The following KIAA1328 variants were observed in gnomAD, a reference collection of about 807,000 sequenced individuals.
KIAA1328 encodes the protein KIAA1328.
In KIAA1328, 52 loss-of-function variants were observed where a neutral mutation model predicts 68.1. The ratio of observed to expected loss-of-function variants is 0.76; its 90% confidence interval spans 0.61 to 0.96. The LOEUF is 0.96. Among genes scored for constraint, KIAA1328 ranks in the 40% least tolerant of loss-of-function variants. KIAA1328 has a pLI of 0.00. For synonymous variants in KIAA1328, 232 were observed against 239.4 expected (o/e 0.97, Z 0.28); for missense variants, 641 against 677.6 (o/e 0.95, Z 0.60).
chr18:36,842,248 A>G (rs1477633351), intron 3 of KIAA1328, among the ~76,000 whole-genome samples: 4 of 152,160 alleles, frequency 2.6e-5, no homozygotes, highest in African/African-American at 9.7e-5. Context: ...ATGGGACACC[A>G]ACCCGGCTGG....
intron 6 of KIAA1328, among the ~76,000 whole-genome samples, chr18:37,057,453 A>G (rs972409816): frequency 4.7e-5 from 7 of 148,200 alleles, no homozygotes; most frequent in Non-Finnish European, 8.9e-5. Context: ...TTTGAGACAC[A>G]GTCTCACTCT....
At chr18:37,099,790 T>G (rs889637520) in intron 7 of KIAA1328, among the ~76,000 whole-genome samples, 1 of 152,270 alleles carries the variant, frequency 6.6e-6, no homozygotes, top group Non-Finnish European at 1.5e-5. Flanking sequence ...TTAGGATGGT[T>G]GGCTCTTCTT....
At chr18:36,980,406 G>A (rs1469605934) in intron 6 of KIAA1328, among the ~76,000 whole-genome samples, 3 of 152,080 alleles carry the variant, frequency 2.0e-5, no homozygotes, top group African/African-American at 7.2e-5. Context: ...CTCTTGATAA[G>A]GAAGGAGAAT....
intron 6 of KIAA1328, among the ~76,000 whole-genome samples, chr18:37,005,965 G>A (rs1568281690): frequency 6.6e-6 from 1 of 151,998 alleles, no homozygotes; most frequent in Non-Finnish European, 1.5e-5. Flanking sequence ...AGGGGAGGAG[G>A]GAGGATGAGG....
chr18:37,068,213 G>A (rs1273152083), intron 7 of KIAA1328, among the ~76,000 whole-genome samples: 1 of 152,130 alleles, frequency 6.6e-6, no homozygotes, highest in Non-Finnish European at 1.5e-5. Flanking sequence ...TCGGGGTGTG[G>A]AATTAGATTG....
intron 7 of KIAA1328, among the ~76,000 whole-genome samples, chr18:37,114,094 G>C (rs1330366839): frequency 1.3e-5 from 2 of 152,188 alleles, no homozygotes; most frequent in South Asian, 4.1e-4. Context: ...ACATTAGACA[G>C]ATCAACGAGA....
intron 7 of KIAA1328, among the ~76,000 whole-genome samples, chr18:37,112,669 A>G (rs1009535128): frequency 8.1e-4 from 124 of 152,238 alleles, no homozygotes; most frequent in Non-Finnish European, 1.0e-4. Context: ...TGACGAGTTG[A>G]GAGAAGAAGG....
At chr18:37,081,271 C>A (rs946440213) in intron 7 of KIAA1328, among the ~76,000 whole-genome samples, 1 of 152,146 alleles carries the variant, frequency 6.6e-6, no homozygotes, top group Admixed American at 6.5e-5. Flanking sequence ...CATGAGCCAC[C>A]GTGCCCCGCC....
chr18:37,032,052 C>T (rs1190119494), intron 6 of KIAA1328, among the ~76,000 whole-genome samples: 1 of 152,126 alleles, frequency 6.6e-6, no homozygotes, highest in Non-Finnish European at 1.5e-5. Context: ...TGGTAGCATA[C>T]TCCTGTAGTC....
At chr18:37,086,432 A>T (rs1239870540) in intron 7 of KIAA1328, among the ~76,000 whole-genome samples, 3 of 152,170 alleles carry the variant, frequency 2.0e-5, no homozygotes, top group Admixed American at 2.0e-4. Context: ...GAACTTTATT[A>T]TTCTCTAGGC....
intron 7 of KIAA1328, among the ~76,000 whole-genome samples, chr18:37,137,411 C>CT (rs1346829760): frequency 6.6e-6 from 1 of 152,108 alleles, no homozygotes; most frequent in Admixed American, 6.5e-5. Flanking sequence ...CCATGTTTTT[C>CT]TTTTTTCCAT....
At chr18:36,952,629 A>G (rs557635318) in intron 5 of KIAA1328, among the ~76,000 whole-genome samples, 11 of 152,328 alleles carry the variant, frequency 7.2e-5, no homozygotes, top group Admixed American at 5.2e-4. Flanking sequence ...ACCTAAGTCT[A>G]TGCGTTTACT....
chr18:36,978,144 A>G (rs2042910678), intron 6 of KIAA1328, among the ~76,000 whole-genome samples: 1 of 152,186 alleles, frequency 6.6e-6, no homozygotes, highest in Non-Finnish European at 1.5e-5. Flanking sequence ...AAGCCCATGC[A>G]ATCTTATAAG....
At chr18:37,128,708 T>C (rs2058451347) in intron 7 of KIAA1328, among the ~76,000 whole-genome samples, 1 of 152,196 alleles carries the variant, frequency 6.6e-6, no homozygotes, top group Non-Finnish European at 1.5e-5. Context: ...TGAATATTCA[T>C]AGCAGTTTTG....
intron 7 of KIAA1328, among the ~76,000 whole-genome samples, chr18:37,077,555 A>T (rs1482729328): frequency 6.6e-6 from 1 of 152,044 alleles, no homozygotes; most frequent in African/African-American, 2.4e-5. Flanking sequence ...CCCTGTTTGC[A>T]GATGAAATGA....
chr18:37,117,500 G>GT lies in KIAA1328; in HGVS notation c.1233-42700_1233-42699insT, dbSNP rs2058146291. Among the ~76,000 whole-genome samples, 3 of 152,264 alleles carry GT rather than the reference G, an allele frequency of 2.0e-5. No individual in the cohort carries two copies. In the South Asian group the frequency reaches 6.2e-4, roughly 32 times the overall value. ...CCACACTGGGGCCTGTCATGGGATT[G>GT]GGGGAGGGAGGAGGGATAGCATTAG... On this transcript the variant is annotated intron_variant, in intron 7 of 9. Coordinates refer to ENST00000280020, the MANE Select transcript of KIAA1328 (RefSeq NM_020776.3).
At chr18:37,051,708 T>G (rs2055700215) in intron 6 of KIAA1328, among the ~76,000 whole-genome samples, 1 of 152,082 alleles carries the variant, frequency 6.6e-6, no homozygotes, top group African/African-American at 2.4e-5. Context: ...ACAAAACCAT[T>G]ATCTTCCTGA....
intron 6 of KIAA1328, among the ~76,000 whole-genome samples, chr18:36,996,994 A>G (rs2053416866): frequency 6.6e-6 from 1 of 152,140 alleles, no homozygotes; most frequent in African/African-American, 2.4e-5. Context: ...GAGACATTCA[A>G]ATAGAAGGAA....
In KIAA1328 at chr18:37,224,990, A is replaced by C; in HGVS notation, c.*2763A>C. 1.0e-6 allele frequency: 1 copy of C among 985,452 alleles called. No homozygotes were observed. Among genetic ancestry groups the C allele is most frequent in the Non-Finnish European group, 1.2e-6 (1 of 829,936 alleles). 61.0% of individuals were successfully genotyped at this position (985,452 alleles called of 1,614,324 possible). A position where few individuals can be genotyped will look rare whatever the true frequency, so the allele number is the denominator to read the frequency against. On this transcript the variant is annotated 3_prime_UTR_variant, in exon 10 of 10. Transcript: ENST00000280020. Reference sequence around the variant, plus strand: ...TAACAGTCCGCTTTCCAGGAGGCAAACTTGTGTTTATCCAAACCTGATCCC... The same window carrying C: ...TAACAGTCCGCTTTCCAGGAGGCAACCTTGTGTTTATCCAAACCTGATCCC...
Sources: gnomAD v4.1 joint callset for allele counts (sites outside exome capture counted in the v4.1 genomes callset) on GRCh38, gnomAD v4.1.1 for gene constraint, MANE v1.5 for transcripts, NCBI Gene and HGNC (gene_info 2026-07-23, HGNC 2026-07-21) for gene names.